The following AGBL1 variants were observed in gnomAD, a reference collection of about 807,000 sequenced individuals.
AGBL1 encodes AGBL carboxypeptidase 1.
A neutral mutation model predicts 118.9 loss-of-function variants in AGBL1; 130 were observed. The observed-to-expected ratio is 1.09, with a 90% CI of 0.95 to 1.26. AGBL1 has a LOEUF of 1.26. Among genes scored for constraint, AGBL1 ranks in the 50% most tolerant of loss-of-function variants. The pLI, the probability that AGBL1 is intolerant of heterozygous loss-of-function variation, is 0.00. For missense variants in AGBL1, 1,584 were observed against 1,298.1 expected, an observed-to-expected ratio of 1.22 and a Z score of -3.38; for synonymous variants, 555 against 478.9, an observed-to-expected ratio of 1.16 and a Z score of -2.08.
intron 23 of AGBL1, among the ~76,000 whole-genome samples, chr15:86,929,824 A>G (rs373035516): frequency 1.3e-5 from 2 of 152,360 alleles, no homozygotes; most frequent in South Asian, 4.1e-4. Context: ...GAAGTTCTAT[A>G]TATCATATTC....
At chr15:86,313,601 T>C (rs769811969) in intron 17 of AGBL1, among the ~76,000 whole-genome samples, 49 of 152,220 alleles carry the variant, frequency 3.2e-4, no homozygotes, top group Non-Finnish European at 6.8e-4. Flanking sequence ...ATTAAATCAA[T>C]ATGTATCCAA....
At chr15:87,024,030 C>T (rs2081697527) in intron 24 of AGBL1, among the ~76,000 whole-genome samples, 1 of 151,852 alleles carries the variant, frequency 6.6e-6, no homozygotes, top group African/African-American at 2.4e-5. Flanking sequence ...ATCAAAAAGT[C>T]TAAAAGAGCA....
intron 1 of AGBL1, among the ~76,000 whole-genome samples, chr15:86,119,134 A>G (rs1025895875): frequency 2.0e-5 from 3 of 152,196 alleles, no homozygotes; most frequent in African/African-American, 4.8e-5. Context: ...ACTAAAGCCT[A>G]CTTCTGAATT....
intron 21 of AGBL1, among the ~76,000 whole-genome samples, chr15:86,574,779 T>A (rs1458869727): frequency 2.0e-5 from 3 of 148,158 alleles, no homozygotes; most frequent in Non-Finnish European, 3.0e-5. Flanking sequence ...GGTTTCACCA[T>A]GTTGGCCAGG....
At chr15:86,954,598 T>G (rs2080911775) in intron 23 of AGBL1, among the ~76,000 whole-genome samples, 1 of 152,108 alleles carries the variant, frequency 6.6e-6, no homozygotes, top group African/African-American at 2.4e-5. Context: ...GAGCTAAACA[T>G]TGAGCACACC....
chr15:86,189,070 G>A (rs1411101792), intron 5 of AGBL1, among the ~76,000 whole-genome samples: 1 of 152,188 alleles, frequency 6.6e-6, no homozygotes, highest in Non-Finnish European at 1.5e-5. Context: ...AAATGTCAAT[G>A]AAAAGGGCAA....
chr15:87,003,642 A>C lies in AGBL1; in HGVS notation c.3323+15554A>C, dbSNP rs554327753. ...TTGGTTGGTAAGCTATTAATTATTG[A>C]CTCAATTTCAGTGCCTGTTATTGGT... On this transcript the variant is annotated intron_variant, in intron 24 of 24. Transcript: ENST00000441037. 1.5e-3 allele frequency among the ~76,000 whole-genome samples: 235 copies of C among 152,066 alleles called. 1 individual carries two copies. The highest frequency in any genetic ancestry group is 5.4e-3 in the African/African-American group (224 of 41,488).
At chr15:86,311,133 G>C (rs1463317276) in intron 17 of AGBL1, among the ~76,000 whole-genome samples, 3 of 152,156 alleles carry the variant, frequency 2.0e-5, no homozygotes, top group African/African-American at 7.2e-5. Flanking sequence ...TATTTTCCAA[G>C]TTGTGTTTTT....
intron 21 of AGBL1, among the ~76,000 whole-genome samples, chr15:86,584,285 C>T (rs1460772367): frequency 6.6e-6 from 1 of 152,086 alleles, no homozygotes; most frequent in African/African-American, 2.4e-5. Context: ...ATGATGTTTC[C>T]TAGATTATAT....
intron 22 of AGBL1, among the ~76,000 whole-genome samples, chr15:86,841,497 A>G (rs757493140): frequency 3.9e-5 from 6 of 152,144 alleles, no homozygotes; most frequent in African/African-American, 9.7e-5. Context: ...CTTTTAATCA[A>G]TCTGTCTTCA....
At chr15:86,366,512 A>G (rs538567190) in intron 17 of AGBL1, among the ~76,000 whole-genome samples, 10 of 152,310 alleles carry the variant, frequency 6.6e-5, no homozygotes, top group African/African-American at 1.9e-4. Flanking sequence ...CCAGGATTCC[A>G]ATGCAGCCAG....
At chr15:87,009,859 C>G (rs2570117) in intron 24 of AGBL1, among the ~76,000 whole-genome samples, 83,453 of 152,142 alleles carry the variant, frequency 0.55, 25,022 homozygotes, top group South Asian at 0.72. Flanking sequence ...CAATTTCTCT[C>G]ATTTGAAATG....
At chr15:86,809,451 T>C (rs1015770915) in intron 22 of AGBL1, among the ~76,000 whole-genome samples, 1 of 152,198 alleles carries the variant, frequency 6.6e-6, no homozygotes, top group Non-Finnish European at 1.5e-5. Context: ...GGATTCTTTT[T>C]ATCCTATCAA....
At chr15:86,475,717 C>T (rs1354401256) in intron 18 of AGBL1, among the ~76,000 whole-genome samples, 1 of 152,110 alleles carries the variant, frequency 6.6e-6, no homozygotes, top group Non-Finnish European at 1.5e-5. Flanking sequence ...TCAGGAAATA[C>T]AGAGAATGCC....
chr15:86,663,445 T>A (rs1431753731), intron 21 of AGBL1, among the ~76,000 whole-genome samples: 1 of 152,110 alleles, frequency 6.6e-6, no homozygotes, highest in East Asian at 1.9e-4. Flanking sequence ...CTAAAGAGAT[T>A]ACTCCTGCTA....
At chr15:86,738,326 G>A (rs913882839) in intron 22 of AGBL1, among the ~76,000 whole-genome samples, 1 of 152,066 alleles carries the variant, frequency 6.6e-6, no homozygotes, top group Admixed American at 6.6e-5. Context: ...AACAAGACAA[G>A]GATGCCCACT....
At chr15:86,095,956 C>G (rs934866780) in intron 1 of AGBL1, among the ~76,000 whole-genome samples, 2 of 151,874 alleles carry the variant, frequency 1.3e-5, no homozygotes, top group African/African-American at 4.8e-5. Flanking sequence ...TCAGTTTTTC[C>G]TAAACTTTAA....
Position 86,979,237 on chromosome 15 carries a change from A to C in AGBL1, c.3222-8750A>C, listed in dbSNP as rs148364046. 5.1e-3 allele frequency among the ~76,000 whole-genome samples: 784 copies of C among 152,316 alleles called. 6 individuals carry two copies. The highest frequency in any genetic ancestry group is 0.018 in the African/African-American group (756 of 41,562). The stretch of plus-strand genomic sequence containing the variant: ...CATGAAGAATAAGCCGCTCTTTAAG[A>C]AAAATCCATTATGACAATTTGGGAA... On this transcript the variant is annotated intron_variant, in intron 23 of 24. Transcript: ENST00000441037.
intron 1 of AGBL1, among the ~76,000 whole-genome samples, chr15:86,140,524 T>G (rs2076949355): frequency 6.6e-6 from 1 of 152,168 alleles, no homozygotes; most frequent in South Asian, 2.1e-4. Flanking sequence ...ACACAAAACT[T>G]GATTTCTTCT....
Sources: allele counts gnomAD v4.1 joint callset (sites outside exome capture counted in the v4.1 genomes callset), GRCh38; gene constraint gnomAD v4.1.1; transcripts MANE v1.5; gene names NCBI Gene and HGNC (gene_info 2026-07-23, HGNC 2026-07-21).